Variants in ETV1 observed in about 807,000 individuals in gnomAD.
ETV1 encodes the protein ETS translocation variant 1.
In ETV1, 27 loss-of-function variants were observed where a neutral mutation model predicts 62.3. That is an observed-to-expected ratio of 0.43 (90% confidence interval 0.32 to 0.60). The LOEUF (loss-of-function observed/expected upper bound fraction) is 0.60, where lower values mean the gene tolerates loss of function less well. ETV1 is among the 20% of genes least tolerant of loss of function. The pLI is 0.06. For missense variants in ETV1, 605 were observed against 605.8 expected, an observed-to-expected ratio of 1.00 and a Z score of 0.01; for synonymous variants, 222 against 199.6, an observed-to-expected ratio of 1.11 and a Z score of -0.94.
chr7:13,924,635 C>G (rs942775080), intron 9 of ETV1, among the ~76,000 whole-genome samples: 3 of 152,182 alleles, frequency 2.0e-5, no homozygotes, highest in African/African-American at 7.2e-5. Flanking sequence ...TACAAAAACA[C>G]TCAGTATTTC....
At position 13,947,214 on chromosome 7, in the gene ETV1, A is replaced by G. The variant is rs149398416; in HGVS notation, c.236-7968T>C. ...TGGTTAATGTAAATCCAGAGAATGA[A>G]CAATGAAATCTATGAATGATGTATG... On this transcript the variant is annotated intron_variant, in intron 6 of 13. Coordinates refer to ENST00000430479, the MANE Select transcript of ETV1 (RefSeq NM_004956.5). Among the ~76,000 whole-genome samples the G allele has an allele frequency of 1.8e-4, 27 of 152,362 alleles. No homozygotes were observed. In the East Asian group the frequency reaches 5.0e-3, roughly 28 times the overall value.
chr7:13,977,389 G>C (rs767905692), intron 6 of ETV1, 38 bp downstream of exon 6: 2 of 1,367,164 alleles, frequency 1.5e-6, no homozygotes, highest in South Asian at 2.7e-5. Context: ...AAACCAGAAA[G>C]ACAGAAAAAT....
At chr7:13,945,466 G>A (rs1241669479) in intron 6 of ETV1, among the ~76,000 whole-genome samples, 1 of 150,532 alleles carries the variant, frequency 6.6e-6, no homozygotes, top group Non-Finnish European at 1.5e-5. Flanking sequence ...CTAATCATAA[G>A]CCAAATAAGT....
At chr7:13,908,481 T>C (rs766199218) in intron 11 of ETV1, among the ~76,000 whole-genome samples, 2 of 152,280 alleles carry the variant, frequency 1.3e-5, no homozygotes, top group African/African-American at 2.4e-5. Flanking sequence ...ATTTTAAGAA[T>C]GCTGATGCTC....
chr7:13,988,857 C>T, intron 3 of ETV1, 151 bp downstream of exon 3: 1 of 1,584,346 alleles, frequency 6.3e-7, no homozygotes, highest in Non-Finnish European at 8.6e-7. Context: ...GAAGACTGGG[C>T]TTCTAGAAGC....
intron 9 of ETV1, among the ~76,000 whole-genome samples, chr7:13,929,493 C>G (rs1785834673): frequency 6.6e-6 from 1 of 152,116 alleles, no homozygotes; most frequent in South Asian, 2.1e-4. Context: ...ATGGAGAGAG[C>G]TAGTACCCAG....
rs116036107 is a variant in ETV1, at chr7:13,951,129, C to A, written c.236-11883G>T. 4.6e-3 allele frequency among the ~76,000 whole-genome samples: 699 copies of A among 152,068 alleles called. 6 individuals carry two copies. Among genetic ancestry groups the A allele is most frequent in the African/African-American group, 0.016 (665 of 41,470 alleles). ...TTCACTCACTTATCAGCCTGCCTAC[C>A]CCCTATTTAACACATAGATAAGAAA... On this transcript the variant is annotated intron_variant, in intron 6 of 13. Transcript: ENST00000430479.
At chr7:13,956,935 T>C (rs374733815) in intron 6 of ETV1, among the ~76,000 whole-genome samples, 2 of 152,082 alleles carry the variant, frequency 1.3e-5, no homozygotes, top group African/African-American at 4.8e-5. Context: ...GTCAAAAAAA[T>C]TAAGATGTGA....
intron 6 of ETV1, among the ~76,000 whole-genome samples, chr7:13,961,504 G>C (rs3801101): frequency 0.13 from 19,290 of 152,086 alleles, 2,350 homozygotes; most frequent in African/African-American, 0.32. Context: ...TGCTATTTAA[G>C]TAGTGAAATT....
chr7:13,984,164 G>C lies in ETV1; in HGVS notation c.181+2474C>G, dbSNP rs910181387. Among the ~76,000 whole-genome samples, 2 of 151,938 alleles carry C rather than the reference G, an allele frequency of 1.3e-5. 1 individual carries two copies. The highest frequency in any genetic ancestry group is 4.1e-4 in the South Asian group (2 of 4,832). On this transcript the variant is annotated intron_variant, in intron 5 of 13. Coordinates refer to ENST00000430479, the MANE Select transcript of ETV1 (RefSeq NM_004956.5). ...GTTTTTAGACCTGTTTAACTTCCCA[G>C]TGGAATTCTAACTCATGCGAGAAAC...
intron 13 of ETV1, among the ~76,000 whole-genome samples, chr7:13,899,123 C>G (rs1198736079): frequency 1.3e-5 from 2 of 152,170 alleles, no homozygotes; most frequent in East Asian, 3.8e-4. Context: ...TACTGCTGTG[C>G]AATACTGCCC....
At chr7:13,981,091 GT>G (rs1309030898) in intron 5 of ETV1, among the ~76,000 whole-genome samples, 3 of 151,396 alleles carry the variant, frequency 2.0e-5, no homozygotes, top group Non-Finnish European at 4.4e-5. Context: ...TGCCTGTTGG[GT>G]TTTTTTTTAA....
chr7:13,969,791 G>GT (rs1780685460), intron 6 of ETV1, among the ~76,000 whole-genome samples: 2 of 152,272 alleles, frequency 1.3e-5, no homozygotes, highest in Admixed American at 1.3e-4. Flanking sequence ...AGGACAACAG[G>GT]TAAAATCTAA....
intron 6 of ETV1, among the ~76,000 whole-genome samples, chr7:13,975,576 AAAAG>A (rs1192675201): frequency 1.6e-5 from 2 of 121,880 alleles, no homozygotes; most frequent in African/African-American, 2.9e-5. Context: ...AAAAAAAAAA[AAAAG>A]AAAAGAAAAG....
At chr7:13,985,562 G>GT (rs913132826) in intron 5 of ETV1, 1 of 152,568 alleles carries the variant, frequency 6.6e-6, no homozygotes, top group African/African-American at 2.4e-5. Context: ...AGTAGCTACA[G>GT]TAACACCTGG....
At chr7:13,896,178 AC>A in intron 13 of ETV1, 91 bp from the exon 14 acceptor site, 1 of 1,004,742 alleles carries the variant, frequency 1.0e-6, no homozygotes, top group South Asian at 1.5e-5. Context: ...GGTTTAATAT[AC>A]AGGAAAGGAT....
intron 13 of ETV1, among the ~76,000 whole-genome samples, chr7:13,896,768 G>GAAAGAAAGAAAGA (rs1781869900): frequency 6.7e-6 from 1 of 149,354 alleles, no homozygotes; most frequent in Non-Finnish European, 1.5e-5. Flanking sequence ...AAGAAAGAAA[G>GAAAGAAAGAAAGA]AAAGAAAGAA....
rs1056621827 is a variant in ETV1, at chr7:13,972,115, GA to G, written c.235+5311del. The stretch of plus-strand genomic sequence containing the variant: ...ATACAGCGAGACTCTGTCTCAAAAA[GA>G]AAAAAAAAATGATATAACTAAATTT... On this transcript the variant is annotated intron_variant, in intron 6 of 13. Transcript: ENST00000430479. Among the ~76,000 whole-genome samples, 33 of 147,428 alleles carry G rather than the reference GA, an allele frequency of 2.2e-4. No homozygotes were observed. The South Asian group carries it at 3.3e-3, about 15-fold the overall frequency.
Position 13,893,904 on chromosome 7 carries a change from T to C in ETV1, c.*1962A>G, listed in dbSNP as rs901843732. The C allele has an allele frequency of 8.6e-6, 2 of 233,122 alleles. No homozygotes were observed. Among genetic ancestry groups the C allele is most frequent in the African/African-American group, 4.4e-5 (2 of 45,338 alleles). The allele number at this position is 233,122 out of a possible 1,614,324, so 14.4% of individuals were successfully genotyped here. On this transcript the variant is annotated 3_prime_UTR_variant, in exon 14 of 14. Coordinates refer to ENST00000430479, the MANE Select transcript of ETV1 (RefSeq NM_004956.5). ...ATGGGCCAAAATAATACATGATGTA[T>C]ATGAACAACAATCATTGAAATCGCA... is the stretch of plus-strand genomic sequence containing the variant.
Sources: gnomAD v4.1 joint callset for allele counts (sites outside exome capture counted in the v4.1 genomes callset) on GRCh38, gnomAD v4.1.1 for gene constraint, MANE v1.5 for transcripts, NCBI Gene and HGNC (gene_info 2026-07-23, HGNC 2026-07-21) for gene names.